The following AGMO variants were observed in gnomAD, a reference collection of about 807,000 sequenced individuals.
AGMO encodes the protein alkylglycerol monooxygenase.
AGMO carries 75 observed loss-of-function variants against 60.2 expected under a neutral mutation model. That is an observed-to-expected ratio of 1.25 (90% CI 1.03 to 1.51). AGMO has a LOEUF of 1.51. Among genes scored for constraint, AGMO ranks in the 40% most tolerant of loss-of-function variants. The pLI is 0.00. For synonymous variants in AGMO, 261 were observed against 177.1 expected, an observed-to-expected ratio of 1.47 and a Z score of -3.76; for missense variants, 763 against 525.5, an observed-to-expected ratio of 1.45 and a Z score of -4.42.
the AGMO span, among the ~76,000 whole-genome samples, chr7:15,170,211 G>A: frequency 1.6e-4 from 25 of 152,216 alleles, no homozygotes; most frequent in Non-Finnish European, 3.7e-4. Flanking sequence ...AGAGTGAGAC[G>A]TTCCCAGAGC....
chr7:15,354,389 TG>T (rs1782395913), intron 12 of AGMO, among the ~76,000 whole-genome samples: 1 of 47,946 alleles, frequency 2.1e-5, no homozygotes, highest in African/African-American at 2.0e-4. Flanking sequence ...TACACGTGTG[TG>T]TATACACGTG....
chr7:15,553,101 C>T (rs890993210), intron 2 of AGMO, among the ~76,000 whole-genome samples: 1 of 148,850 alleles, frequency 6.7e-6, no homozygotes, highest in Non-Finnish European at 1.5e-5. Flanking sequence ...TATTCTCACT[C>T]ATAGGTGGGA....
At chr7:15,360,345 A>G (rs530596200) in intron 12 of AGMO, among the ~76,000 whole-genome samples, 112 of 152,272 alleles carry the variant, frequency 7.4e-4, no homozygotes, top group African/African-American at 2.6e-3. Context: ...TGCGGTCAAA[A>G]ATTTGCCTAT....
chr7:15,558,595 G>T (rs1583690589), intron 2 of AGMO, among the ~76,000 whole-genome samples: 1 of 151,938 alleles, frequency 6.6e-6, no homozygotes, highest in East Asian at 1.9e-4. Flanking sequence ...TGATAATCTG[G>T]GAATTAGCTG....
chr7:15,274,272 C>T (rs1783710724), intron 12 of AGMO, among the ~76,000 whole-genome samples: 1 of 151,890 alleles, frequency 6.6e-6, no homozygotes, highest in African/African-American at 2.4e-5. Context: ...TCATAAATAG[C>T]TCTTATTGAG....
the AGMO span, among the ~76,000 whole-genome samples, chr7:15,136,479 G>A: frequency 1.1e-4 from 16 of 147,114 alleles, no homozygotes; most frequent in African/African-American, 3.7e-4. Flanking sequence ...AGCATTGGTT[G>A]ACTCTAACAT....
chr7:15,422,208 CA>C (rs1008138996), intron 4 of AGMO, among the ~76,000 whole-genome samples: 8 of 150,552 alleles, frequency 5.3e-5, no homozygotes, highest in African/African-American at 1.7e-4. Context: ...TCTCTGATAA[CA>C]AAAAAGGAGA....
chr7:15,244,860 C>T (rs1782696160), intron 12 of AGMO, among the ~76,000 whole-genome samples: 3 of 152,060 alleles, frequency 2.0e-5, no homozygotes, highest in Non-Finnish European at 2.9e-5. Context: ...CACCATGTTA[C>T]TCAGGATGGT....
At chr7:15,136,751 G>A in the AGMO span, among the ~76,000 whole-genome samples, 2 of 149,838 alleles carry the variant, frequency 1.3e-5, no homozygotes, top group Non-Finnish European at 3.0e-5. Context: ...TGATGTGTAT[G>A]TGTGTGTGTG....
intron 5 of AGMO, among the ~76,000 whole-genome samples, chr7:15,403,404 G>T (rs1279485904): frequency 6.6e-6 from 1 of 151,826 alleles, no homozygotes; most frequent in African/African-American, 2.4e-5. Flanking sequence ...GTTATTTATT[G>T]AGTACAAGGT....
At chr7:15,367,023 G>T (rs764625616) in intron 10 of AGMO, among the ~76,000 whole-genome samples, 2 of 151,980 alleles carry the variant, frequency 1.3e-5, no homozygotes, top group African/African-American at 2.4e-5. Context: ...ATGTACGGCA[G>T]TCTTTTTTTA....
intron 10 of AGMO, 130 bp downstream of exon 10, chr7:15,385,316 G>A (rs957097615): frequency 1.8e-5 from 11 of 596,340 alleles, no homozygotes; most frequent in Non-Finnish European, 2.9e-5. Context: ...ATTTAAATGT[G>A]AGACGTTGCC....
the AGMO span, among the ~76,000 whole-genome samples, chr7:15,176,750 C>A: frequency 6.6e-6 from 1 of 151,970 alleles, no homozygotes; most frequent in South Asian, 2.1e-4. Context: ...CTATAGTCAA[C>A]AGGTTGTACA....
chr7:15,230,362 T>C (rs1385137781), intron 12 of AGMO, among the ~76,000 whole-genome samples: 2 of 152,072 alleles, frequency 1.3e-5, no homozygotes, highest in African/African-American at 4.8e-5. Flanking sequence ...TACCCATAAA[T>C]ACAATCGAGG....
At chr7:15,470,851 G>T (rs141282524) in intron 3 of AGMO, among the ~76,000 whole-genome samples, 4 of 152,002 alleles carry the variant, frequency 2.6e-5, no homozygotes, top group African/African-American at 9.6e-5. Context: ...TTATGGGAGA[G>T]CAAATAGCTA....
intron 12 of AGMO, among the ~76,000 whole-genome samples, chr7:15,229,736 T>TTA (rs1554398328): frequency 2.0e-5 from 3 of 147,072 alleles, no homozygotes; most frequent in Non-Finnish European, 4.5e-5. Context: ...AAATTATATA[T>TTA]TATAATATAT....
At chr7:15,508,154 T>A (rs561539170) in intron 3 of AGMO, among the ~76,000 whole-genome samples, 2 of 152,156 alleles carry the variant, frequency 1.3e-5, no homozygotes, top group South Asian at 4.2e-4. Flanking sequence ...AAAAAATTAG[T>A]CCCTAGAAAA....
At chr7:15,135,979 C>CTTTTTTTTTTTTTTTTTGTTTT in the AGMO span, among the ~76,000 whole-genome samples, 1 of 106,872 alleles carries the variant, frequency 9.4e-6, no homozygotes, top group Non-Finnish European at 1.8e-5. Flanking sequence ...TTTTTCTTTT[C>CTTTTTTTTTTTTTTTTTGTTTT]TTTTTTTTTT....
Position 15,229,246 on chromosome 7 carries a change from A to C in AGMO, c.1264-27887T>G, listed in dbSNP as rs565348642. 1.5e-4 allele frequency among the ~76,000 whole-genome samples: 23 copies of C among 152,170 alleles called. No individual in the cohort carries two copies. In the South Asian group the frequency reaches 4.6e-3, roughly 30 times the overall value. On this transcript the variant is annotated intron_variant, in intron 12 of 12. Coordinates refer to ENST00000342526, the MANE Select transcript of AGMO (RefSeq NM_001004320.2). ...ATCAAATTAGGGAATTTCATTGATAATTTTATCATGTCTATAACCAGAGGG... is the reference window on the plus strand; with the variant it reads ...ATCAAATTAGGGAATTTCATTGATACTTTTATCATGTCTATAACCAGAGGG...
Sources: allele counts gnomAD v4.1 joint callset (sites outside exome capture counted in the v4.1 genomes callset), GRCh38; gene constraint gnomAD v4.1.1; transcripts MANE v1.5; gene names NCBI Gene and HGNC (gene_info 2026-07-23, HGNC 2026-07-21).